The following ZEB1 variants were observed in gnomAD, a reference collection of about 807,000 sequenced individuals.
ZEB1 encodes the protein zinc finger E-box-binding homeobox 1.
In ZEB1, 21 loss-of-function variants were observed where a neutral mutation model predicts 84.9. The observed-to-expected ratio is 0.25, with a 90% CI of 0.18 to 0.36. The LOEUF (loss-of-function observed/expected upper bound fraction) is 0.36. Among genes scored for constraint, ZEB1 ranks in the 10% least tolerant of loss-of-function variants. The pLI is 1.00. For missense variants in ZEB1, 1,104 were observed against 1,330.2 expected (o/e 0.83, Z 2.65); for synonymous variants, 420 against 471.1 (o/e 0.89, Z 1.41).
chr10:31,450,237 C>G (rs914000180), intron 1 of ZEB1, among the ~76,000 whole-genome samples: 2 of 152,140 alleles, frequency 1.3e-5, no homozygotes, highest in African/African-American at 2.4e-5. Flanking sequence ...TATTTGATGA[C>G]TTTTACATAG....
Position 31,526,919 on chromosome 10 carries a change from C to T in ZEB1, c.3033C>T (p.His1011=), listed in dbSNP as rs772743872. ...EAGPEILSNE[H]VGARASPSQG... ...GGCCTGAAATCCTCTCGAATGAGCA[C>T]GTGGGTGCCAGGGCGTCTCCCTCAC... The change falls in exon 9 of 9, where the codon CAC becomes CAT. Residue 1011 remains histidine (H), a synonymous_variant. Transcript: ENST00000424869. 6 of 1,614,078 alleles carry T rather than the reference C, an allele frequency of 3.7e-6. No homozygotes were observed. The highest frequency in any genetic ancestry group is 2.2e-5 in the East Asian group (1 of 44,822).
intron 6 of ZEB1, among the ~76,000 whole-genome samples, chr10:31,515,797 C>T (rs935560140): frequency 6.6e-6 from 1 of 151,946 alleles, no homozygotes; most frequent in Non-Finnish European, 1.5e-5. Flanking sequence ...TCTTTTGCAG[C>T]CTGCCACAAT....
At position 31,527,412 on chromosome 10, in the gene ZEB1, A is replaced by AACAC. The variant is rs3086583; in HGVS notation, c.*186_*189dup. The AACAC allele has an allele frequency of 0.061, 31,280 of 513,430 alleles. 618 individuals carry two copies. Among genetic ancestry groups the AACAC allele is most frequent in the East Asian group, 0.18 (4,515 of 25,010 alleles). 31.8% of individuals were successfully genotyped at this position (513,430 alleles called of 1,614,324 possible). Reference sequence around the variant, plus strand: ...AAAACTAAAAAAATACAAAATACAAAACACACACACACACACACACACACA... The same window carrying AACAC: ...AAAACTAAAAAAATACAAAATACAAAACACACACACACACACACACACACACACA... On this transcript the variant is annotated 3_prime_UTR_variant, in exon 9 of 9. Transcript: ENST00000424869.
At chr10:31,463,300 A>G (rs558620306) in intron 2 of ZEB1, among the ~76,000 whole-genome samples, 1 of 152,282 alleles carries the variant, frequency 6.6e-6, no homozygotes, top group African/African-American at 2.4e-5. Flanking sequence ...AACCCTTTTT[A>G]CTGAAAACAA....
At chr10:31,466,930 C>G (rs161232) in intron 2 of ZEB1, among the ~76,000 whole-genome samples, 2,291 of 152,052 alleles carry the variant, frequency 0.015, 53 homozygotes, top group African/African-American at 0.051. Flanking sequence ...TAAAGATGGC[C>G]AACTAGCTGG....
At chr10:31,504,302 T>C (rs1389227282) in intron 4 of ZEB1, among the ~76,000 whole-genome samples, 2 of 79,680 alleles carry the variant, frequency 2.5e-5, no homozygotes, top group Non-Finnish European at 7.8e-5. Flanking sequence ...CTCTGTTCTC[T>C]TCCACTGGTC....
chr10:31,322,466 C>T (rs1231686644), intron 1 of ZEB1, among the ~76,000 whole-genome samples: 4 of 152,084 alleles, frequency 2.6e-5, no homozygotes, highest in East Asian at 1.9e-4. Context: ...TGCTGCTAAG[C>T]CTTCTGTAAA....
chr10:31,442,419 T>A (rs1437739940), intron 1 of ZEB1, among the ~76,000 whole-genome samples: 1 of 149,462 alleles, frequency 6.7e-6, no homozygotes, highest in African/African-American at 2.5e-5. Flanking sequence ...GGCATGGGGG[T>A]AGGGGGGAGG....
intron 2 of ZEB1, among the ~76,000 whole-genome samples, chr10:31,492,273 A>G (rs776486861): frequency 1.3e-5 from 2 of 151,926 alleles, no homozygotes; most frequent in East Asian, 1.9e-4. Flanking sequence ...CCAAGGACCC[A>G]TGTAATCGTT....
chr10:31,502,616 A>G, intron 4 of ZEB1, 107 bp downstream of exon 4: 1 of 1,393,296 alleles, frequency 7.2e-7, no homozygotes, highest in Admixed American at 1.8e-5. Context: ...CTTGAAGACC[A>G]AACTTTATTA....
chr10:31,333,508 T>C (rs1216828676), intron 1 of ZEB1, among the ~76,000 whole-genome samples: 1 of 152,100 alleles, frequency 6.6e-6, no homozygotes, highest in Admixed American at 6.6e-5. Flanking sequence ...CGGGTAGGCT[T>C]GGTAAGTTTT....
intron 1 of ZEB1, among the ~76,000 whole-genome samples, chr10:31,400,990 A>G (rs1261334835): frequency 6.6e-6 from 1 of 152,156 alleles, no homozygotes; most frequent in African/African-American, 2.4e-5. Flanking sequence ...CATCTTGCTG[A>G]TGTATCATTA....
At chr10:31,377,032 A>C (rs923728732) in intron 1 of ZEB1, among the ~76,000 whole-genome samples, 11 of 150,820 alleles carry the variant, frequency 7.3e-5, no homozygotes, top group Non-Finnish European at 1.5e-4. Context: ...GAATTTCAGC[A>C]GTCACTCAAA....
At chr10:31,322,194 T>C (rs1280662752) in intron 1 of ZEB1, 1 of 152,506 alleles carries the variant, frequency 6.6e-6, no homozygotes, top group African/African-American at 2.4e-5. Context: ...TTTAGCCTTA[T>C]ATTTTGCAAA....
intron 1 of ZEB1, among the ~76,000 whole-genome samples, chr10:31,342,260 A>G (rs1377816786): frequency 6.6e-6 from 1 of 152,190 alleles, no homozygotes; most frequent in Non-Finnish European, 1.5e-5. Context: ...AAACCGGGTA[A>G]GAAGAGATTA....
intron 2 of ZEB1, among the ~76,000 whole-genome samples, chr10:31,465,712 CAAGCAGTCTTCTT>C (rs2062337327): frequency 6.6e-6 from 1 of 151,870 alleles, no homozygotes; most frequent in East Asian, 1.9e-4. Flanking sequence ...CTCCTGGACT[CAAGCAGTCTTCTT>C]GCTTTAGTCT....
At chr10:31,320,468 G>A (rs1277108076) in intron 1 of ZEB1, 1 of 151,334 alleles carries the variant, frequency 6.6e-6, no homozygotes, top group Non-Finnish European at 1.5e-5. Flanking sequence ...TGGCGCTCTG[G>A]GTCTCGGGTG....
chr10:31,484,108 A>G (rs1246016675), intron 2 of ZEB1, among the ~76,000 whole-genome samples: 1 of 151,564 alleles, frequency 6.6e-6, no homozygotes, highest in African/African-American at 2.4e-5. Flanking sequence ...TCGTATCTCC[A>G]CTCCTGCCTC....
chr10:31,428,347 T>C (rs1406050349), intron 1 of ZEB1, among the ~76,000 whole-genome samples: 1 of 152,250 alleles, frequency 6.6e-6, no homozygotes, highest in African/African-American at 2.4e-5. Context: ...GAGTAGGTTA[T>C]TCAGTTTCCA....
Sources: allele counts gnomAD v4.1 joint callset (sites outside exome capture counted in the v4.1 genomes callset), GRCh38; gene constraint gnomAD v4.1.1; transcripts MANE v1.5; gene names NCBI Gene and HGNC (gene_info 2026-07-23, HGNC 2026-07-21).